ANKFN1: variants seen among roughly 807,000 people sequenced by gnomAD.
ANKFN1 encodes the protein ankyrin repeat and fibronectin type III domain containing 1, also known as ankyrin repeat and fibronectin type-III domain-containing protein 1.
A neutral mutation model predicts 108.7 loss-of-function variants in ANKFN1; 74 were observed. The ratio of observed to expected loss-of-function variants is 0.68; its 90% CI spans 0.56 to 0.83. ANKFN1 has a LOEUF of 0.83. ANKFN1 is among the 40% of genes least tolerant of loss of function. The pLI is 0.00. For synonymous variants in ANKFN1, 547 were observed against 516.2 expected, an observed-to-expected ratio of 1.06 and a Z score of -0.81; for missense variants, 1,505 against 1,382.3, an observed-to-expected ratio of 1.09 and a Z score of -1.41.
chr17:56,280,008 C>CTTTTTTTTTTTTTTTTTTTTTTTTT (rs3086033), intron 3 of ANKFN1, among the ~76,000 whole-genome samples: 34 of 134,854 alleles, frequency 2.5e-4, no homozygotes, highest in African/African-American at 9.4e-4. Flanking sequence ...CACATAATGT[C>CTTTTTTTTTTTTTTTTTTTTTTTTT]TTTTTTTTTT....
chr17:56,144,156 G>GAAAAAAAAAAAAAAAAAAAAA (rs59884444), intron 4 of ANKFN1, among the ~76,000 whole-genome samples: 1 of 40,552 alleles, frequency 2.5e-5, no homozygotes, highest in African/African-American at 9.2e-5. Context: ...AGGCGCATCT[G>GAAAAAAAAAAAAAAAAAAAAA]AAAAAAAAAA....
intron 1 of ANKFN1, among the ~76,000 whole-genome samples, chr17:56,167,386 C>A (rs950935894): frequency 4.0e-5 from 6 of 148,362 alleles, no homozygotes; most frequent in African/African-American, 1.5e-4. Flanking sequence ...GTCTAAGTTA[C>A]TATCAATACT....
chr17:56,412,900 C>G (rs1487426613), intron 8 of ANKFN1, among the ~76,000 whole-genome samples: 2 of 152,138 alleles, frequency 1.3e-5, no homozygotes, highest in Non-Finnish European at 2.9e-5. Context: ...CTGACAGTGT[C>G]TTTACTCCTT....
rs1312738564 is a variant in ANKFN1 at position 56,449,199 on chromosome 17, A to C, written c.1207+13A>C. Reference sequence around the variant, plus strand: ...TACAGTTGCCGGGGTAAGGATAAAAATCTGTGCTGGGCCATCAACTGAGGT... The same window carrying C: ...TACAGTTGCCGGGGTAAGGATAAAACTCTGTGCTGGGCCATCAACTGAGGT... On this transcript the variant is annotated intron_variant, in intron 11 of 20. Transcript: ENST00000682825. 10 of 1,610,382 alleles carry C rather than the reference A, an allele frequency of 6.2e-6. No homozygotes were observed. The highest frequency in any genetic ancestry group is 8.5e-6 in the Non-Finnish European group (10 of 1,177,460).
In ANKFN1 at chr17:56,512,714, C is replaced by A. The variant is rs568137966; in HGVS notation, c.*1445C>A. ...TGTCCACAGAGTTCTACCATTCCTC[C>A]TCATGGGAGTTCATACAAAGTCCCC... On this transcript the variant is annotated 3_prime_UTR_variant, in exon 21 of 21. Transcript: ENST00000682825. Among the ~76,000 whole-genome samples the A allele has an allele frequency of 6.6e-6, 1 of 152,210 alleles. No individual in the cohort carries two copies. The highest frequency in any genetic ancestry group is 1.5e-5 in the Non-Finnish European group (1 of 68,046).
At chr17:56,159,845 G>A (rs1336095190) in intron 1 of ANKFN1, among the ~76,000 whole-genome samples, 1 of 152,090 alleles carries the variant, frequency 6.6e-6, no homozygotes, top group South Asian at 2.1e-4. Flanking sequence ...TGTTGTTAGA[G>A]CAGGGATAGT....
At chr17:56,060,783 A>G (rs1287513628) in intron 4 of ANKFN1, among the ~76,000 whole-genome samples, 1 of 152,208 alleles carries the variant, frequency 6.6e-6, no homozygotes. Context: ...GATGAAGCCA[A>G]CTTGATCGTG....
intron 8 of ANKFN1, among the ~76,000 whole-genome samples, chr17:56,409,947 G>C (rs1192365374): frequency 6.6e-6 from 1 of 151,938 alleles, no homozygotes; most frequent in African/African-American, 2.4e-5. Flanking sequence ...CATAAAAATT[G>C]ATCCACCATT....
intron 3 of ANKFN1, among the ~76,000 whole-genome samples, chr17:56,305,811 T>A (rs542586795): frequency 1.5e-4 from 23 of 152,338 alleles, no homozygotes; most frequent in African/African-American, 5.1e-4. Flanking sequence ...TGAATTAAAT[T>A]TCATATATAA....
intron 15 of ANKFN1, among the ~76,000 whole-genome samples, chr17:56,467,771 GAA>G (rs1376584117): frequency 7.6e-4 from 12 of 15,728 alleles, no homozygotes; most frequent in African/African-American, 1.9e-3. Flanking sequence ...AAGAAAGAAA[GAA>G]AGAAAGAAAG....
At chr17:56,161,372 G>A (rs1029237770) in intron 1 of ANKFN1, among the ~76,000 whole-genome samples, 2 of 152,064 alleles carry the variant, frequency 1.3e-5, no homozygotes, top group African/African-American at 4.8e-5. Flanking sequence ...CTGCGTTCAG[G>A]GAAGATAGTC....
chr17:56,404,536 T>C (rs1275906874), intron 8 of ANKFN1, among the ~76,000 whole-genome samples: 1 of 152,220 alleles, frequency 6.6e-6, no homozygotes, highest in African/African-American at 2.4e-5. Flanking sequence ...AAGCGATCTA[T>C]GTCCTTGAAT....
chr17:56,080,754 T>G (rs12603156), intron 4 of ANKFN1, among the ~76,000 whole-genome samples: 84,614 of 152,094 alleles, frequency 0.56, 24,994 homozygotes, highest in Non-Finnish European at 0.68. Context: ...CCCCTTATTT[T>G]TGTATGTATA....
chr17:56,440,566 G>C, intron 9 of ANKFN1, 142 bp downstream of exon 9: 1 of 584,872 alleles, frequency 1.7e-6, no homozygotes, highest in East Asian at 2.9e-5. Context: ...GATATGTCTG[G>C]TATCTAGAAT....
chr17:56,318,302 A>C (rs190138107), intron 3 of ANKFN1, among the ~76,000 whole-genome samples: 94 of 152,264 alleles, frequency 6.2e-4, no homozygotes, highest in Non-Finnish European at 2.4e-4. Flanking sequence ...CCTGAAATGG[A>C]AGAAGCAGAT....
chr17:56,272,973 C>A lies in ANKFN1; in HGVS notation c.53+45016C>A, dbSNP rs180683082. Among the ~76,000 whole-genome samples, 366 of 152,252 alleles carry A rather than the reference C, an allele frequency of 2.4e-3. 1 individual carries two copies. The highest frequency in any genetic ancestry group is 8.5e-3 in the African/African-American group (353 of 41,526). ...TGATAGTTGATGCCTGAATTGGGCC[C>A]CTGATTCAACAGCCCAAATATTTTT... On this transcript the variant is annotated intron_variant, in intron 3 of 20. Coordinates refer to ENST00000682825, the MANE Select transcript of ANKFN1 (RefSeq NM_001370326.1).
intron 3 of ANKFN1, chr17:56,258,472 C>G (rs541095976): frequency 6.6e-5 from 10 of 152,144 alleles, no homozygotes; most frequent in Non-Finnish European, 1.0e-4. Flanking sequence ...GGTGACAACA[C>G]GCACTTTCTG....
intron 3 of ANKFN1, among the ~76,000 whole-genome samples, chr17:56,264,214 T>C (rs2043592441): frequency 1.3e-5 from 2 of 152,202 alleles, no homozygotes; most frequent in Admixed American, 1.3e-4. Context: ...CACAGTGGAT[T>C]TGTGTTGTCT....
chr17:56,321,809 T>C (rs1295867454), intron 3 of ANKFN1, among the ~76,000 whole-genome samples: 1 of 152,194 alleles, frequency 6.6e-6, no homozygotes, highest in African/African-American at 2.4e-5. Flanking sequence ...TAATGAAGCC[T>C]AATGATAAAA....
Sources: allele counts gnomAD v4.1 joint callset (sites outside exome capture counted in the v4.1 genomes callset), GRCh38; gene constraint gnomAD v4.1.1; transcripts MANE v1.5; gene names NCBI Gene and HGNC (gene_info 2026-07-23, HGNC 2026-07-21).